The following EXOC6B variants were observed in gnomAD, a reference collection of about 807,000 sequenced individuals.
EXOC6B encodes the protein exocyst complex component 6B.
Under a neutral mutation model 113.5 loss-of-function variants are expected in EXOC6B, and 54 were observed. That is an observed-to-expected ratio of 0.48 (90% CI 0.38 to 0.60). The LOEUF (loss-of-function observed/expected upper bound fraction) is 0.60, where lower values mean the gene tolerates loss of function less well. EXOC6B is among the 20% of genes least tolerant of loss of function. EXOC6B has a pLI of 0.00. For synonymous variants in EXOC6B, 357 were observed against 339.0 expected (o/e 1.05, Z -0.58); for missense variants, 797 against 977.5 (o/e 0.82, Z 2.46).
intron 15 of EXOC6B, 70 bp from the exon 16 acceptor site, chr2:72,492,499 T>C (rs936368290): frequency 1.2e-6 from 1 of 816,174 alleles, no homozygotes; most frequent in Non-Finnish European, 2.1e-6. Context: ...ACGGTGCCAG[T>C]GGTATTCGTG....
At chr2:72,240,189 C>T (rs1412371544) in intron 20 of EXOC6B, among the ~76,000 whole-genome samples, 1 of 152,104 alleles carries the variant, frequency 6.6e-6, no homozygotes, top group East Asian at 1.9e-4. Context: ...GCCTAATTGT[C>T]CTACCTAGTA....
intron 20 of EXOC6B, among the ~76,000 whole-genome samples, chr2:72,278,322 C>T (rs1438043397): frequency 6.6e-6 from 1 of 152,186 alleles, no homozygotes; most frequent in East Asian, 1.9e-4. Context: ...TGCATCTCAA[C>T]TTTCCTTAAT....
rs191898327 is a variant in EXOC6B, at chr2:72,579,258, T to C, written c.670-3590A>G. Among the ~76,000 whole-genome samples, 48 of 151,972 alleles carry C rather than the reference T, an allele frequency of 3.2e-4. No individual in the cohort carries two copies. In the East Asian group the frequency reaches 8.5e-3, roughly 27 times the overall value. ...TTCCAAGCAATAGGAACCATGAAAATAGTAAGTTGAATGCAGGATAAAAAA... is the reference window on the plus strand; with the variant it reads ...TTCCAAGCAATAGGAACCATGAAAACAGTAAGTTGAATGCAGGATAAAAAA... On this transcript the variant is annotated intron_variant, in intron 6 of 21. Coordinates refer to ENST00000272427, the MANE Select transcript of EXOC6B (RefSeq NM_015189.3).
At position 72,825,155 on chromosome 2, in the gene EXOC6B, A is replaced by C. The variant is rs1048617077; in HGVS notation, c.113+643T>G. Reference sequence around the variant, plus strand: ...TAAAATGGAGATGTGCGTGCAAAAAAAAATGATAACTGGGGGGCGGCAGCA... The same window carrying C: ...TAAAATGGAGATGTGCGTGCAAAAACAAATGATAACTGGGGGGCGGCAGCA... On this transcript the variant is annotated intron_variant, in intron 1 of 21. Coordinates refer to ENST00000272427, the MANE Select transcript of EXOC6B (RefSeq NM_015189.3). The surrounding 1 kb of genome is among the most constrained non-coding windows in gnomAD (Gnocchi z 4.4). Among the ~76,000 whole-genome samples, 1 of 152,168 alleles carries C rather than the reference A, an allele frequency of 6.6e-6. No homozygotes were observed. Among genetic ancestry groups the C allele is most frequent in the African/African-American group, 2.4e-5 (1 of 41,446 alleles).
intron 1 of EXOC6B, among the ~76,000 whole-genome samples, chr2:72,773,623 T>C (rs1187611189): frequency 6.6e-6 from 1 of 152,040 alleles, no homozygotes; most frequent in East Asian, 1.9e-4. Context: ...CTGAGAACCT[T>C]GAAAATAATT....
At chr2:72,233,364 G>A (rs916425579) in intron 20 of EXOC6B, among the ~76,000 whole-genome samples, 5 of 152,054 alleles carry the variant, frequency 3.3e-5, no homozygotes, top group African/African-American at 1.2e-4. Context: ...AGGCAGCAGG[G>A]AACACAGAGG....
intron 6 of EXOC6B, among the ~76,000 whole-genome samples, chr2:72,635,768 T>C (rs1372814819): frequency 6.6e-6 from 1 of 152,170 alleles, no homozygotes; most frequent in African/African-American, 2.4e-5. Context: ...TACAAACCAA[T>C]ATCCTTCATG....
chr2:72,635,441 T>C, intron 6 of EXOC6B, among the ~76,000 whole-genome samples: 1 of 152,080 alleles, frequency 6.6e-6, no homozygotes, highest in East Asian at 1.9e-4. Flanking sequence ...ACTCTACACA[T>C]ATAAATTTGA....
chr2:72,184,004 T>A, intron 21 of EXOC6B, 71 bp downstream of exon 21: 1 of 887,200 alleles, frequency 1.1e-6, no homozygotes, highest in Non-Finnish European at 1.8e-6. Flanking sequence ...AGTGGCAAAA[T>A]TATCTTCTAC....
intron 20 of EXOC6B, among the ~76,000 whole-genome samples, chr2:72,259,250 T>C (rs1276147011): frequency 6.6e-6 from 1 of 152,244 alleles, no homozygotes; most frequent in Non-Finnish European, 1.5e-5. Flanking sequence ...AATTATAGAT[T>C]GTCACCTGTA....
At chr2:72,376,046 T>C (rs976135821) in intron 19 of EXOC6B, among the ~76,000 whole-genome samples, 2 of 152,106 alleles carry the variant, frequency 1.3e-5, no homozygotes, top group African/African-American at 4.8e-5. Context: ...ACTCACAAGC[T>C]TGCCCAGATT....
intron 17 of EXOC6B, among the ~76,000 whole-genome samples, chr2:72,467,146 GTTGCAAATGGC>G (rs1698107627): frequency 6.6e-6 from 1 of 152,180 alleles, no homozygotes; most frequent in East Asian, 1.9e-4. Context: ...TTTCCATGCT[GTTGCAAATGGC>G]AGGATTTCCT....
chr2:72,657,874 A>G (rs1018406960), intron 6 of EXOC6B, among the ~76,000 whole-genome samples: 3 of 151,530 alleles, frequency 2.0e-5, no homozygotes, highest in Non-Finnish European at 4.4e-5. Context: ...AGCTAATCAC[A>G]TAAAGAATCA....
At chr2:72,445,784 G>A (rs1457506070) in intron 18 of EXOC6B, among the ~76,000 whole-genome samples, 1 of 152,132 alleles carries the variant, frequency 6.6e-6, no homozygotes, top group Non-Finnish European at 1.5e-5. Flanking sequence ...TGAGATTTGG[G>A]TGGGGACACA....
intron 19 of EXOC6B, among the ~76,000 whole-genome samples, chr2:72,343,737 A>G (rs144437339): frequency 7.4e-4 from 112 of 152,268 alleles, no homozygotes; most frequent in African/African-American, 2.6e-3. Flanking sequence ...ATAAAATTAC[A>G]TATACATATC....
intron 8 of EXOC6B, among the ~76,000 whole-genome samples, chr2:72,558,172 T>A (rs1419977337): frequency 6.6e-6 from 1 of 151,938 alleles, no homozygotes; most frequent in African/African-American, 2.4e-5. Context: ...CAAATGTAAA[T>A]ACAAAAATCA....
At chr2:72,802,885 T>C (rs750270127) in intron 1 of EXOC6B, among the ~76,000 whole-genome samples, 2 of 152,310 alleles carry the variant, frequency 1.3e-5, no homozygotes, top group South Asian at 2.1e-4. Context: ...CCCAGACCTA[T>C]TGAATTAGAA....
intron 8 of EXOC6B, among the ~76,000 whole-genome samples, chr2:72,539,756 G>A (rs1046567068): frequency 9.2e-5 from 14 of 151,594 alleles, no homozygotes; most frequent in East Asian, 3.9e-4. Flanking sequence ...GTGTGCGCGC[G>A]CGCGCGCGTG....
chr2:72,336,272 A>G (rs1688685646), intron 19 of EXOC6B, among the ~76,000 whole-genome samples: 1 of 152,204 alleles, frequency 6.6e-6, no homozygotes, highest in Non-Finnish European at 1.5e-5. Context: ...ATATTTGCAT[A>G]TATGTCTAGA....
Sources: allele counts gnomAD v4.1 joint callset (sites outside exome capture counted in the v4.1 genomes callset), GRCh38; gene constraint gnomAD v4.1.1; non-coding constraint Gnocchi (gnomAD v3.1); transcripts MANE v1.5; gene names NCBI Gene and HGNC (gene_info 2026-07-23, HGNC 2026-07-21).